Variants in PDCD11 observed in about 807,000 individuals in gnomAD.
PDCD11 encodes the protein programmed cell death 11.
A neutral mutation model predicts 198.9 loss-of-function variants in PDCD11; 97 were observed. The observed-to-expected ratio is 0.49, with a 90% confidence interval of 0.41 to 0.58. The LOEUF is 0.58. PDCD11 is among the 20% of genes least tolerant of loss of function. The probability of loss-of-function intolerance (pLI) is 0.00; values close to 1 mark genes in which losing one functional copy is unlikely to be tolerated. For missense variants in PDCD11, 2,102 were observed against 2,312.7 expected (o/e 0.91, Z 1.87); for synonymous variants, 893 against 918.0 (o/e 0.97, Z 0.49).
At chr10:103,423,494 C>T (rs1198904687) in intron 18 of PDCD11, 49 bp from the exon 19 acceptor site, 1 of 1,369,408 alleles carries the variant, frequency 7.3e-7, no homozygotes, top group South Asian at 1.2e-5. Context: ...TGCTGCTCTC[C>T]CTTCACTCTG....
chr10:103,423,610 A>C lies in PDCD11; in HGVS notation c.2715A>C (p.Glu905Asp). 1.2e-6 allele frequency: 2 copies of C among 1,614,020 alleles called. No individual in the cohort carries two copies. Among genetic ancestry groups the C allele is most frequent in the East Asian group, 4.5e-5 (2 of 44,886 alleles). Residue 905 changes from glutamate to aspartate, a missense_variant, in exon 19 of 36, where the codon GAA becomes GAC. Physicochemically the swap from Glu to Asp is conservative, Grantham distance 45. Coordinates refer to ENST00000369797, the MANE Select transcript of PDCD11 (RefSeq NM_014976.2). The part of the protein sequence containing the change: ...VILNVDLLKL[E>D]VHVSLHQDLV... ...TAAATGTTGATCTTTTGAAGTTGGA[A>C]GTGCACGTTTCCCTTCACCAGGACT... is the stretch of plus-strand genomic sequence containing the variant.
Position 103,443,347 on chromosome 10 carries a change from C to T in PDCD11, c.5124+14C>T, listed in dbSNP as rs777939727. 1 of 1,594,104 alleles carries T rather than the reference C, an allele frequency of 6.3e-7. No individual in the cohort carries two copies. Among genetic ancestry groups the T allele is most frequent in the Non-Finnish European group, 8.6e-7 (1 of 1,166,278 alleles). On this transcript the variant is annotated intron_variant, in intron 33 of 35. Coordinates refer to ENST00000369797, the MANE Select transcript of PDCD11 (RefSeq NM_014976.2). Reference sequence around the variant, plus strand: ...GAGAAATTCCAGGTAGGAGGTTGGGCCACAGACGAACTCCTGGGAGTTCCA... The same window carrying T: ...GAGAAATTCCAGGTAGGAGGTTGGGTCACAGACGAACTCCTGGGAGTTCCA...
chr10:103,435,018 G>T, intron 25 of PDCD11, 43 bp downstream of exon 25: 1 of 1,348,498 alleles, frequency 7.4e-7, no homozygotes, highest in Non-Finnish European at 9.7e-7. Context: ...CTGTGGAATT[G>T]GTATATTTAA....
chr10:103,418,305 G>T, intron 14 of PDCD11, 135 bp from the exon 15 acceptor site: 1 of 698,194 alleles, frequency 1.4e-6, no homozygotes, highest in Non-Finnish European at 2.5e-6. Flanking sequence ...GGGGTGGTGG[G>T]TGGGGTTTGG....
chr10:103,433,364 G>A (rs748431004), intron 22 of PDCD11, among the ~76,000 whole-genome samples: 2 of 152,112 alleles, frequency 1.3e-5, no homozygotes, highest in South Asian at 2.1e-4. Flanking sequence ...GGCCTGGGGC[G>A]TGCGCGCCTG....
At chr10:103,439,620 C>T (rs902543556) in intron 27 of PDCD11, 126 bp from the exon 28 acceptor site, 2 of 1,055,330 alleles carry the variant, frequency 1.9e-6, no homozygotes, top group African/African-American at 3.1e-5. Context: ...TGCTGAATGC[C>T]AGGAACTTAT....
chr10:103,419,351 G>T (rs1232790239), intron 15 of PDCD11, among the ~76,000 whole-genome samples, 187 bp from the exon 16 acceptor site: 1 of 152,190 alleles, frequency 6.6e-6, no homozygotes, highest in African/African-American at 2.4e-5. Flanking sequence ...GGTCTAGGTG[G>T]TGCTTGAGAA....
rs572181452 is a variant in PDCD11, at chr10:103,435,076, T to C, written c.3845+101T>C. ...TGACTTTTTATCAGAAAAACAGGTA[T>C]ATGAAATAGAAAATGAAAATTTCTG... is the stretch of plus-strand genomic sequence containing the variant. On this transcript the variant is annotated intron_variant, in intron 25 of 35. Coordinates refer to ENST00000369797, the MANE Select transcript of PDCD11 (RefSeq NM_014976.2). 3.6e-6 allele frequency: 3 copies of C among 840,722 alleles called. No homozygotes were observed. The African/African-American group carries it at 5.3e-5, about 15-fold the overall frequency. The allele number at this position is 840,722 out of a possible 1,614,324, so 52.1% of individuals were successfully genotyped here. A position where few individuals can be genotyped will look rare whatever the true frequency, so the allele number is the denominator to read the frequency against.
At chr10:103,427,823 C>T (rs2031763071) in intron 21 of PDCD11, among the ~76,000 whole-genome samples, 1 of 152,094 alleles carries the variant, frequency 6.6e-6, no homozygotes, top group South Asian at 2.1e-4. Flanking sequence ...AAGGGTGTTC[C>T]ATGAGATACT....
Position 103,438,816 on chromosome 10 carries a change from AG to A in PDCD11, c.4025+14del, listed in dbSNP as rs1564777049. ...ACACGGTGTGTTCTTTCGGTGAGTG[AG>A]GGGGGCTCTGCACCCGGACCCAAGT... On this transcript the variant is annotated intron_variant, in intron 27 of 35. Coordinates refer to ENST00000369797, the MANE Select transcript of PDCD11 (RefSeq NM_014976.2). 4 of 1,613,546 alleles carry A rather than the reference AG, an allele frequency of 2.5e-6. No homozygotes were observed. Among genetic ancestry groups the A allele is most frequent in the Middle Eastern group, 1.8e-4 (1 of 5,710 alleles).
intron 21 of PDCD11, among the ~76,000 whole-genome samples, chr10:103,431,925 A>G (rs2031950802): frequency 6.6e-6 from 1 of 152,262 alleles, no homozygotes; most frequent in South Asian, 2.1e-4. Context: ...CAGCTTGTTC[A>G]TAAGTAGATG....
rs375344408 is a variant in PDCD11, at chr10:103,434,792, C to T, written c.3668-6C>T. ...CTTCCCTGAATCAGGTTGGTTCTTC[C>T]ACCAGGTCCTCACAAGCTTGAGGAA... is the stretch of plus-strand genomic sequence containing the variant. On this transcript the variant is annotated splice_polypyrimidine_tract_variant and splice_region_variant and intron_variant, in intron 24 of 35. Coordinates refer to ENST00000369797, the MANE Select transcript of PDCD11 (RefSeq NM_014976.2). 7.5e-6 allele frequency: 12 copies of T among 1,602,350 alleles called. No individual in the cohort carries two copies. The highest frequency in any genetic ancestry group is 1.1e-5 in the South Asian group (1 of 89,204).
At position 103,414,090 on chromosome 10, in the gene PDCD11, CGTAAGT is replaced by C. The variant is rs867454260; in HGVS notation, c.1310+1_1310+6del. On this transcript the variant is annotated splice_donor_variant and splice_donor_5th_base_variant and intron_variant, in intron 10 of 35. Transcript: ENST00000369797. LOFTEE classifies it high-confidence loss of function. The stretch of plus-strand genomic sequence containing the variant: ...GAACTGGCCTTGCTCTCTCTACGAA[CGTAAGT>C]CTGTCATTAACAGGTAGGGGTGTAG... The C allele has an allele frequency of 6.2e-7, 1 of 1,609,748 alleles. No homozygotes were observed. The highest frequency in any genetic ancestry group is 8.5e-7 in the Non-Finnish European group (1 of 1,178,114).
chr10:103,419,445 T>G lies in PDCD11; in HGVS notation c.2107-93T>G, dbSNP rs1481150659. ...ATCGCTGTAGCAGCAGAGATCAGCC[T>G]GCAGTTCTGTCCTTCTCTGTGGAGA... is the stretch of plus-strand genomic sequence containing the variant. On this transcript the variant is annotated intron_variant, in intron 15 of 35. Transcript: ENST00000369797. 16 of 1,356,374 alleles carry G rather than the reference T, an allele frequency of 1.2e-5. No individual in the cohort carries two copies. In the South Asian group the frequency reaches 2.1e-4, roughly 18 times the overall value. The allele number at this position is 1,356,374 out of a possible 1,614,324, so 84.0% of individuals were successfully genotyped here.
chr10:103,414,102 A>G lies in PDCD11; in HGVS notation c.1310+12A>G, dbSNP rs750644430. 1.2e-6 allele frequency: 2 copies of G among 1,607,918 alleles called. No homozygotes were observed. Among genetic ancestry groups the G allele is most frequent in the Admixed American group, 3.4e-5 (2 of 59,460 alleles). On this transcript the variant is annotated intron_variant, in intron 10 of 35. Transcript: ENST00000369797. ...CTCTCTCTACGAACGTAAGTCTGTC[A>G]TTAACAGGTAGGGGTGTAGAGATGT... is the stretch of plus-strand genomic sequence containing the variant.
intron 28 of PDCD11, 140 bp from the exon 29 acceptor site, chr10:103,440,150 G>C: frequency 7.6e-7 from 1 of 1,309,228 alleles, no homozygotes; most frequent in Non-Finnish European, 1.0e-6. Flanking sequence ...AATCATTCTT[G>C]AGAATATTGA....
intron 22 of PDCD11, among the ~76,000 whole-genome samples, chr10:103,433,544 A>G (rs1022655289): frequency 1.3e-5 from 2 of 152,346 alleles, no homozygotes; most frequent in South Asian, 2.1e-4. Context: ...AAGACACTGC[A>G]TAAACAGTGA....
chr10:103,410,207 C>A (rs944594003), intron 8 of PDCD11, among the ~76,000 whole-genome samples: 2 of 150,944 alleles, frequency 1.3e-5, no homozygotes, highest in African/African-American at 4.9e-5. Context: ...TGCACTCCAG[C>A]CTAGACAACA....
chr10:103,415,636 C>T (rs768863190), intron 12 of PDCD11, among the ~76,000 whole-genome samples: 1 of 152,180 alleles, frequency 6.6e-6, no homozygotes, highest in African/African-American at 2.4e-5. Flanking sequence ...GAAAGCCAAC[C>T]GTCTTGCCCA....
Sources: gnomAD v4.1 joint callset for allele counts (sites outside exome capture counted in the v4.1 genomes callset) on GRCh38, gnomAD v4.1.1 for gene constraint, MANE v1.5 for transcripts, NCBI Gene and HGNC (gene_info 2026-07-23, HGNC 2026-07-21) for gene names.